Variants in MAN1A1 observed in about 807,000 individuals in gnomAD.
MAN1A1 encodes the protein mannosidase alpha class 1A member 1, also known as mannosyl-oligosaccharide 1,2-alpha-mannosidase IA.
A neutral mutation model predicts 70.8 loss-of-function variants in MAN1A1; 29 were observed. The observed-to-expected ratio is 0.41, with a 90% CI of 0.31 to 0.56. The LOEUF is 0.56. Among genes scored for constraint, MAN1A1 ranks in the 20% least tolerant of loss-of-function variants. The pLI, the probability that MAN1A1 is intolerant of heterozygous loss-of-function variation, is 0.29. For missense variants in MAN1A1, 747 were observed against 841.3 expected, an observed-to-expected ratio of 0.89 and a Z score of 1.39; for synonymous variants, 349 against 330.1, an observed-to-expected ratio of 1.06 and a Z score of -0.62.
intron 5 of MAN1A1, among the ~76,000 whole-genome samples, chr6:119,252,723 C>T (rs556779743): frequency 6.8e-4 from 104 of 152,164 alleles, no homozygotes; most frequent in African/African-American, 3.1e-4. Flanking sequence ...ACCCGGGAGG[C>T]GGCAGTTGCA....
At chr6:119,322,823 A>G (rs1364462099) in intron 2 of MAN1A1, among the ~76,000 whole-genome samples, 1 of 152,202 alleles carries the variant, frequency 6.6e-6, no homozygotes, top group South Asian at 2.1e-4. Context: ...TGTGGGTAAC[A>G]ATCATTTCAA....
chr6:119,333,869 T>C (rs1014831278), intron 2 of MAN1A1, among the ~76,000 whole-genome samples: 1 of 152,238 alleles, frequency 6.6e-6, no homozygotes, highest in Non-Finnish European at 1.5e-5. Context: ...AAACCTAGGG[T>C]GTAATTCTTC....
intron 2 of MAN1A1, among the ~76,000 whole-genome samples, chr6:119,345,961 C>G (rs1376820192): frequency 1.3e-5 from 2 of 152,084 alleles, no homozygotes; most frequent in African/African-American, 4.8e-5. Flanking sequence ...CAAAAATTAG[C>G]TGGGTGTGGT....
intron 8 of MAN1A1, among the ~76,000 whole-genome samples, chr6:119,198,646 A>G (rs1287439248): frequency 1.3e-5 from 2 of 152,238 alleles, no homozygotes; most frequent in African/African-American, 2.4e-5. Flanking sequence ...ATATTTTACA[A>G]AACAAAACAA....
chr6:119,191,120 T>C (rs1362818564), intron 9 of MAN1A1, among the ~76,000 whole-genome samples: 3 of 152,220 alleles, frequency 2.0e-5, no homozygotes, highest in African/African-American at 7.2e-5. Flanking sequence ...AATGAACATA[T>C]TACTGTGCTC....
chr6:119,198,104 C>G (rs2114941721), intron 8 of MAN1A1, among the ~76,000 whole-genome samples: 1 of 152,294 alleles, frequency 6.6e-6, no homozygotes, highest in African/African-American at 2.4e-5. Flanking sequence ...GAAAAATATA[C>G]AAGGGCCAGG....
chr6:119,323,216 G>A (rs1773062774), intron 2 of MAN1A1, among the ~76,000 whole-genome samples: 2 of 152,098 alleles, frequency 1.3e-5, no homozygotes, highest in African/African-American at 4.8e-5. Context: ...AATCAAAAAG[G>A]TTTTGTTTCT....
rs1772401539 is a variant in MAN1A1, at chr6:119,301,912, T to G, written c.816+76A>C. Reference sequence around the variant, plus strand: ...TTTGTTAGGGTACATTATAATACAATAATAGGGCCCACTACAGAATTTATC... The same window carrying G: ...TTTGTTAGGGTACATTATAATACAAGAATAGGGCCCACTACAGAATTTATC... On this transcript the variant is annotated intron_variant, in intron 4 of 12. Transcript: ENST00000368468. 19 of 748,850 alleles carry G rather than the reference T, an allele frequency of 2.5e-5. No individual in the cohort carries two copies. In the South Asian group the frequency reaches 3.1e-4, roughly 12 times the overall value. 46.4% of individuals were successfully genotyped at this position (748,850 alleles called of 1,614,324 possible).
intron 2 of MAN1A1, among the ~76,000 whole-genome samples, chr6:119,310,346 C>T (rs544583653): frequency 5.3e-5 from 8 of 152,312 alleles, no homozygotes; most frequent in East Asian, 1.9e-4. Context: ...CCAGACAGAT[C>T]TCAGGAAAAC....
At chr6:119,313,583 G>A (rs1215305893) in intron 2 of MAN1A1, among the ~76,000 whole-genome samples, 3 of 151,690 alleles carry the variant, frequency 2.0e-5, no homozygotes, top group Non-Finnish European at 2.9e-5. Context: ...ACGGTTGCGA[G>A]GATGAGAATT....
At chr6:119,316,625 C>G (rs1405530474) in intron 2 of MAN1A1, among the ~76,000 whole-genome samples, 1 of 152,122 alleles carries the variant, frequency 6.6e-6, no homozygotes. Flanking sequence ...CCCAAACATT[C>G]TAACTCATAC....
At chr6:119,256,287 T>C (rs1018927721) in intron 5 of MAN1A1, among the ~76,000 whole-genome samples, 2 of 152,216 alleles carry the variant, frequency 1.3e-5, no homozygotes, top group African/African-American at 4.8e-5. Flanking sequence ...TTTAGATTTA[T>C]CTAGCTTTTT....
intron 11 of MAN1A1, 32 bp downstream of exon 11, chr6:119,188,373 A>T (rs1773348733): frequency 1.3e-6 from 2 of 1,548,686 alleles, no homozygotes; most frequent in Non-Finnish European, 1.7e-6. Context: ...TATGAAATTT[A>T]TCTATAAGAA....
In MAN1A1 at chr6:119,337,991, T is replaced by C. The variant is rs540233098; in HGVS notation, c.603+10472A>G. Reference sequence around the variant, plus strand: ...GCTAATAACTCCTTAAATCACAATATGGACTTCTCAGGCATTTCTAATTAT... The same window carrying C: ...GCTAATAACTCCTTAAATCACAATACGGACTTCTCAGGCATTTCTAATTAT... On this transcript the variant is annotated intron_variant, in intron 2 of 12. Transcript: ENST00000368468. 1.3e-4 allele frequency among the ~76,000 whole-genome samples: 19 copies of C among 151,820 alleles called. No individual in the cohort carries two copies. In the East Asian group the frequency reaches 2.7e-3, roughly 22 times the overall value.
chr6:119,314,421 G>C (rs1772796221), intron 2 of MAN1A1, among the ~76,000 whole-genome samples: 3 of 152,182 alleles, frequency 2.0e-5, no homozygotes, highest in African/African-American at 7.2e-5. Context: ...TTGTCAAACA[G>C]CTACCACACT....
intron 2 of MAN1A1, among the ~76,000 whole-genome samples, chr6:119,326,610 G>A (rs938598363): frequency 2.0e-5 from 3 of 152,220 alleles, no homozygotes; most frequent in Non-Finnish European, 4.4e-5. Flanking sequence ...AAAGGAAAGA[G>A]GGCTCATGGA....
chr6:119,250,081 G>C (rs557384266), intron 5 of MAN1A1, among the ~76,000 whole-genome samples: 1 of 151,762 alleles, frequency 6.6e-6, no homozygotes, highest in Non-Finnish European at 1.5e-5. Flanking sequence ...ATGGAGAGGA[G>C]AAAAAAAAGT....
At chr6:119,272,047 T>C (rs2114378499) in intron 5 of MAN1A1, among the ~76,000 whole-genome samples, 1 of 152,312 alleles carries the variant, frequency 6.6e-6, no homozygotes, top group African/African-American at 2.4e-5. Flanking sequence ...GAAACAGCTT[T>C]AAAAAATTAA....
chr6:119,183,638 C>T (rs985379205), intron 11 of MAN1A1, among the ~76,000 whole-genome samples: 1 of 152,164 alleles, frequency 6.6e-6, no homozygotes, highest in Non-Finnish European at 1.5e-5. Flanking sequence ...AACAGCCACT[C>T]CTCCTCTCCA....
Sources: allele counts gnomAD v4.1 joint callset (sites outside exome capture counted in the v4.1 genomes callset), GRCh38; gene constraint gnomAD v4.1.1; transcripts MANE v1.5; gene names NCBI Gene and HGNC (gene_info 2026-07-23, HGNC 2026-07-21).